Variants in AKT1 observed in about 807,000 individuals in gnomAD.
The protein encoded by AKT1 is RAC-alpha serine/threonine-protein kinase.
In AKT1, 21 loss-of-function variants were observed where a neutral mutation model predicts 63.1. The observed-to-expected ratio is 0.33, with a 90% CI of 0.24 to 0.48. AKT1 has a LOEUF of 0.48. AKT1 is among the 20% of genes least tolerant of loss of function. The pLI, the probability that AKT1 is intolerant of heterozygous loss-of-function variation, is 0.99. For missense variants in AKT1, 382 were observed against 666.0 expected (o/e 0.57, Z 4.69); for synonymous variants, 257 against 253.1 (o/e 1.02, Z -0.15).
rs1249010521 is a variant in AKT1, at chr14:104,795,012, A to G, written c.-258+472T>C. ...CCTGGGTACCCCGCCACCACGTACAACTTTTCGTCCGTGGGAAACGAAGTC... is the reference window on the plus strand; with the variant it reads ...CCTGGGTACCCCGCCACCACGTACAGCTTTTCGTCCGTGGGAAACGAAGTC... On this transcript the variant is annotated intron_variant, in intron 1 of 14. Transcript: ENST00000649815. This position sits in a 1 kb window ranked among gnomAD's most constrained non-coding sequence, Gnocchi z 5.1. The G allele has an allele frequency of 1.3e-5, 2 of 152,158 alleles. No homozygotes were observed. Among genetic ancestry groups the G allele is most frequent in the Non-Finnish European group, 2.9e-5 (2 of 68,008 alleles). 9.4% of individuals were successfully genotyped at this position (152,158 alleles called of 1,614,324 possible).
chr14:104,788,014 G>A (rs1001508858), intron 3 of AKT1, among the ~76,000 whole-genome samples: 10 of 152,120 alleles, frequency 6.6e-5, no homozygotes, highest in Non-Finnish European at 1.2e-4. Context: ...CCCCTCTCCC[G>A]GGTAGGCCCA....
At position 104,770,018 on chromosome 14, in the gene AKT1, C is replaced by T. The variant is rs1130245; in HGVS notation, c.*323G>A. ...AGGGGACACATGGGCAGGACCTGCCCGGCCCCCCAATGCCACATTGCGCAT... is the reference window on the plus strand; with the variant it reads ...AGGGGACACATGGGCAGGACCTGCCTGGCCCCCCAATGCCACATTGCGCAT... On this transcript the variant is annotated 3_prime_UTR_variant, in exon 15 of 15. Coordinates refer to ENST00000649815, the MANE Select transcript of AKT1 (RefSeq NM_001382430.1). The T allele has an allele frequency of 0.034, 16,050 of 468,506 alleles. 384 individuals are homozygous for T. Among genetic ancestry groups the T allele is most frequent in the Non-Finnish European group, 0.045 (11,580 of 255,560 alleles). The allele number at this position is 468,506 out of a possible 1,614,324, so 29.0% of individuals were successfully genotyped here. A position where few individuals can be genotyped will look rare whatever the true frequency, so the allele number is the denominator to read the frequency against.
chr14:104,770,877 G>A (rs775499085), intron 13 of AKT1, 30 bp from the exon 14 acceptor site: 1 of 1,598,512 alleles, frequency 6.3e-7, no homozygotes, highest in Non-Finnish European at 8.6e-7. Context: ...GGACAGTCAT[G>A]AGCTTCGCTC....
intron 8 of AKT1, 54 bp from the exon 9 acceptor site, chr14:104,774,034 C>A: frequency 6.5e-7 from 1 of 1,543,506 alleles, no homozygotes; most frequent in South Asian, 1.1e-5. Context: ...GGCAGCCCCG[C>A]ACCACGCTGC....
intron 5 of AKT1, chr14:104,776,062 G>GC (rs1472354030): frequency 2.7e-5 from 9 of 335,362 alleles, no homozygotes; most frequent in South Asian, 1.2e-4. Flanking sequence ...GCAGGACTCC[G>GC]CCCCCCAGCA....
chr14:104,778,811 G>C (rs1284156769), intron 4 of AKT1, among the ~76,000 whole-genome samples: 1 of 152,226 alleles, frequency 6.6e-6, no homozygotes, highest in East Asian at 1.9e-4. Flanking sequence ...AGAAAGGAGG[G>C]CAGAGCTACT....
chr14:104,772,487 C>T (rs756950117), intron 12 of AKT1, 35 bp from the exon 13 acceptor site: 112 of 1,605,558 alleles, frequency 7.0e-5, no homozygotes, highest in Non-Finnish European at 8.3e-5. Context: ...GTGTCGGTAC[C>T]GCCACCTGCC....
intron 3 of AKT1, 152 bp from the exon 4 acceptor site, chr14:104,780,368 C>CGTTTCTGTCGCTGGCCCTA: frequency 8.9e-7 from 1 of 1,119,834 alleles, no homozygotes; most frequent in Non-Finnish European, 1.2e-6. Flanking sequence ...TTCTTAGGGC[C>CGTTTCTGTCGCTGGCCCTA]AGCGACAGAA....
intron 4 of AKT1, chr14:104,778,382 G>C (rs1892848901): frequency 6.6e-6 from 1 of 152,322 alleles, no homozygotes; most frequent in Non-Finnish European, 1.5e-5. Flanking sequence ...AGGCTGTCAG[G>C]AGACAGGGGT....
At chr14:104,787,734 GC>G (rs1318657558) in intron 3 of AKT1, among the ~76,000 whole-genome samples, 2 of 152,200 alleles carry the variant, frequency 1.3e-5, no homozygotes, top group East Asian at 3.9e-4. Flanking sequence ...CCGGAGTCCA[GC>G]CCCCCACAGG....
intron 3 of AKT1, among the ~76,000 whole-genome samples, chr14:104,781,220 C>T (rs1319120841): frequency 6.6e-6 from 1 of 151,866 alleles, no homozygotes. Flanking sequence ...ACTGCTTCAT[C>T]TGAGGGGTCA....
chr14:104,783,524 C>A (rs2140971177), intron 3 of AKT1, among the ~76,000 whole-genome samples: 1 of 134,612 alleles, frequency 7.4e-6, no homozygotes, highest in Non-Finnish European at 1.6e-5. Flanking sequence ...CCCCCCAACA[C>A]CACCCCACCC....
At chr14:104,777,419 C>A in intron 4 of AKT1, 1 of 545,664 alleles carries the variant, frequency 1.8e-6, no homozygotes, top group Non-Finnish European at 2.4e-6. Flanking sequence ...GGGGCACACG[C>A]ACACCTGGGA....
intron 8 of AKT1, 26 bp from the exon 9 acceptor site, chr14:104,774,006 C>G: frequency 1.9e-6 from 3 of 1,604,852 alleles, no homozygotes; most frequent in Non-Finnish European, 2.6e-6. Flanking sequence ...GCTGGAACTG[C>G]GGCCCCACAG....
intron 3 of AKT1, among the ~76,000 whole-genome samples, chr14:104,788,840 C>A (rs1226976185): frequency 6.6e-6 from 1 of 152,154 alleles, no homozygotes; most frequent in Non-Finnish European, 1.5e-5. Context: ...GAGGCCTGGA[C>A]TGGGGGGTCT....
intron 3 of AKT1, among the ~76,000 whole-genome samples, chr14:104,782,043 C>T (rs988124884): frequency 3.9e-5 from 6 of 152,194 alleles, no homozygotes; most frequent in East Asian, 1.9e-4. Flanking sequence ...TGCACATACA[C>T]GCACATACGT....
chr14:104,781,128 A>G (rs981150120), intron 3 of AKT1, among the ~76,000 whole-genome samples: 2 of 152,224 alleles, frequency 1.3e-5, no homozygotes, highest in African/African-American at 2.4e-5. Context: ...ACCATTTTTC[A>G]TACTGACACT....
chr14:104,770,046 C>T lies in AKT1; in HGVS notation c.*295G>A, dbSNP rs894066817. The T allele has an allele frequency of 1.9e-6, 1 of 513,922 alleles. No homozygotes were observed. Among genetic ancestry groups the T allele is most frequent in the Admixed American group, 3.4e-5 (1 of 29,534 alleles). 31.8% of individuals were successfully genotyped at this position (513,922 alleles called of 1,614,324 possible). ...CCCCCCAATGCCACATTGCGCATAG[C>T]TGCAGAAGTCCTTAACATTTCCCTA... is the stretch of plus-strand genomic sequence containing the variant. On this transcript the variant is annotated 3_prime_UTR_variant, in exon 15 of 15. Coordinates refer to ENST00000649815, the MANE Select transcript of AKT1 (RefSeq NM_001382430.1).
intron 4 of AKT1, chr14:104,777,006 C>T (rs999914796): frequency 5.6e-5 from 28 of 496,606 alleles, no homozygotes; most frequent in Middle Eastern, 5.4e-4. Flanking sequence ...GCATCTGGCC[C>T]GGCGTCAGGT....
Sources: gnomAD v4.1 joint callset for allele counts (sites outside exome capture counted in the v4.1 genomes callset) on GRCh38, gnomAD v4.1.1 for gene constraint, Gnocchi (gnomAD v3.1) non-coding constraint, MANE v1.5 for transcripts, NCBI Gene and HGNC (gene_info 2026-07-23, HGNC 2026-07-21) for gene names.